Variants in AFF2 observed in about 807,000 individuals in gnomAD.
AFF2 encodes ALF transcription elongation factor 2, also known as AF4/FMR2 family member 2.
In AFF2, 14 loss-of-function variants were observed where a neutral mutation model predicts 76.9. The observed-to-expected ratio is 0.18, with a 90% confidence interval of 0.12 to 0.28. AFF2 has a LOEUF of 0.28. Among genes scored for constraint, AFF2 ranks in the 10% least tolerant of loss-of-function variants. AFF2 has a pLI of 1.00. For synonymous variants in AFF2, 398 were observed against 366.7 expected, an observed-to-expected ratio of 1.09 and a Z score of -0.98; for missense variants, 868 against 1,001.1, an observed-to-expected ratio of 0.87 and a Z score of 1.79.
intron 3 of AFF2, among the ~76,000 whole-genome samples, chrX:148,709,348 G>C (rs911089351): frequency 4.5e-5 from 5 of 111,503 alleles, no homozygotes; most frequent in Non-Finnish European, 7.5e-5. Context: ...TTTTAAGGAT[G>C]TCTCTTACAC....
At position 148,956,096 on chromosome X, in the gene AFF2, C is replaced by A. The variant is rs1255634500; in HGVS notation, c.2051C>A (p.Pro684Gln). 1 of 1,210,536 alleles carries A rather than the reference C, an allele frequency of 8.3e-7. No homozygotes were observed. Among genetic ancestry groups the A allele is most frequent in the African/African-American group, 1.7e-5 (1 of 57,402 alleles). ...CACAAACCAGCCCCTAGGAAAGAACCAAGACCTAACATCCCTTTGGCTCCC... is the reference window on the plus strand; with the variant it reads ...CACAAACCAGCCCCTAGGAAAGAACAAAGACCTAACATCCCTTTGGCTCCC... ...TAHKPAPRKE[P>Q]RPNIPLAPEK... Residue 684 changes from proline to glutamine, a missense_variant, in exon 11 of 21, where the codon CCA (proline) becomes CAA (glutamine). Around this residue, in one of 6 missense-constraint regions of AFF2, gnomAD observed 532 missense variants for 564.2 expected, o/e 0.94. Transcript: ENST00000370460.
intron 3 of AFF2, among the ~76,000 whole-genome samples, chrX:148,781,245 C>G (rs1185873356): frequency 1.8e-5 from 2 of 112,381 alleles, no homozygotes; most frequent in African/African-American, 6.5e-5. Flanking sequence ...TAGCAGAGCT[C>G]TAACGCTGTG....
At chrX:148,857,661 CAG>C (rs2070801699) in intron 7 of AFF2, among the ~76,000 whole-genome samples, 1 of 110,897 alleles carries the variant, frequency 9.0e-6, no homozygotes, top group South Asian at 3.8e-4. Flanking sequence ...TTTTGTTTTT[CAG>C]AGAGAGATCT....
At chrX:148,702,012 C>G (rs937295688) in intron 3 of AFF2, among the ~76,000 whole-genome samples, 1 of 112,046 alleles carries the variant, frequency 8.9e-6, no homozygotes, top group African/African-American at 3.2e-5. Flanking sequence ...GATATTTTGA[C>G]ATTTATATTT....
intron 4 of AFF2, among the ~76,000 whole-genome samples, chrX:148,813,493 T>C (rs1441894061): frequency 1.8e-5 from 2 of 112,366 alleles, no homozygotes; most frequent in Non-Finnish European, 3.8e-5. Context: ...ATAAAACAAC[T>C]GATAATAGTA....
At chrX:148,970,329 T>G (rs782796789) in intron 15 of AFF2, among the ~76,000 whole-genome samples, 3 of 112,145 alleles carry the variant, frequency 2.7e-5, no homozygotes, top group Non-Finnish European at 5.6e-5. Context: ...GCTAATCATT[T>G]TATAGTTGTA....
chrX:148,506,195 A>G (rs782238267), intron 1 of AFF2, among the ~76,000 whole-genome samples: 59 of 111,914 alleles, frequency 5.3e-4, no homozygotes, highest in African/African-American at 1.8e-3. Flanking sequence ...AGGTTTCAGC[A>G]TAGATGGAGC....
intron 19 of AFF2, among the ~76,000 whole-genome samples, chrX:148,985,285 CTTTTTTTTTTTTTT>C (rs151339705): frequency 2.0e-3 from 31 of 15,387 alleles, no homozygotes; most frequent in East Asian, 2.9e-3. Flanking sequence ...TGTGCCTGGC[CTTTTTTTTTTTTTT>C]TTTTTTTTTT....
intron 1 of AFF2, among the ~76,000 whole-genome samples, chrX:148,510,243 A>G (rs2052467857): frequency 8.9e-6 from 1 of 112,122 alleles, no homozygotes; most frequent in Admixed American, 9.5e-5. Flanking sequence ...GAGAAGACCT[A>G]AAAACGGTAT....
chrX:148,573,605 A>G (rs1399834882), intron 1 of AFF2, among the ~76,000 whole-genome samples: 2 of 111,166 alleles, frequency 1.8e-5, no homozygotes, highest in African/African-American at 6.5e-5. Flanking sequence ...TTTTAAGAAA[A>G]AAACATGTGG....
At chrX:148,571,775 A>C (rs971467918) in intron 1 of AFF2, among the ~76,000 whole-genome samples, 3 of 111,578 alleles carry the variant, frequency 2.7e-5, no homozygotes, top group Non-Finnish European at 3.8e-5. Flanking sequence ...CACCTGATAA[A>C]GTATTTATGG....
intron 1 of AFF2, among the ~76,000 whole-genome samples, chrX:148,553,731 G>A (rs1294477540): frequency 3.6e-5 from 4 of 111,444 alleles, no homozygotes; most frequent in African/African-American, 1.3e-4. Flanking sequence ...ATTCTTTGCT[G>A]TTTGTTTATT....
chrX:148,865,881 C>T (rs1375259966), intron 7 of AFF2, among the ~76,000 whole-genome samples: 1 of 111,770 alleles, frequency 8.9e-6, no homozygotes, highest in African/African-American at 3.3e-5. Context: ...CAGAACTTCA[C>T]TTGAGTTTAA....
At chrX:148,921,816 G>T (rs1460439972) in intron 9 of AFF2, among the ~76,000 whole-genome samples, 1 of 112,224 alleles carries the variant, frequency 8.9e-6, no homozygotes, top group African/African-American at 3.2e-5. Context: ...TTAGTAAGCT[G>T]GTGTTAAGTA....
intron 19 of AFF2, among the ~76,000 whole-genome samples, chrX:148,982,146 A>C (rs1439747685): frequency 8.9e-6 from 1 of 112,202 alleles, no homozygotes; most frequent in East Asian, 2.8e-4. Context: ...TTTTAAAAAA[A>C]ATTCTGAAAC....
At chrX:148,537,972 G>A (rs1396296515) in intron 1 of AFF2, among the ~76,000 whole-genome samples, 1 of 112,241 alleles carries the variant, frequency 8.9e-6, no homozygotes, top group African/African-American at 3.2e-5. Flanking sequence ...CAGGACGTGC[G>A]GGGGTGTAGG....
chrX:148,879,241 A>C (rs965161766), intron 7 of AFF2, among the ~76,000 whole-genome samples: 2 of 111,775 alleles, frequency 1.8e-5, no homozygotes, highest in Admixed American at 1.9e-4. Context: ...TCTGAGATAC[A>C]TATTATTTTT....
At chrX:148,905,326 G>A (rs2071396251) in intron 9 of AFF2, among the ~76,000 whole-genome samples, 1 of 112,139 alleles carries the variant, frequency 8.9e-6, no homozygotes, top group African/African-American at 3.2e-5. Flanking sequence ...AACATCTAGA[G>A]GGGCATCCGT....
chrX:148,847,361 G>A (rs1557274860), intron 7 of AFF2, among the ~76,000 whole-genome samples: 1 of 111,870 alleles, frequency 8.9e-6, no homozygotes, highest in Non-Finnish European at 1.9e-5. Context: ...CTGTTGAGGA[G>A]ATGGCAGCTC....
Sources: gnomAD v4.1 joint callset for allele counts (sites outside exome capture counted in the v4.1 genomes callset) on GRCh38, gnomAD v4.1.1 for gene constraint, gnomAD v4.1.1 regional missense constraint, MANE v1.5 for transcripts, NCBI Gene and HGNC (gene_info 2026-07-23, HGNC 2026-07-21) for gene names.